The following C9 variants were observed in gnomAD, a reference collection of about 807,000 sequenced individuals.
C9 encodes the protein complement C9.
In C9, 63 loss-of-function variants were observed where a neutral mutation model predicts 65.4. The observed-to-expected ratio is 0.96, with a 90% CI of 0.79 to 1.19. The LOEUF (loss-of-function observed/expected upper bound fraction) is 1.19, where lower values mean the gene tolerates loss of function less well. Among genes scored for constraint, C9 ranks in the 50% most tolerant of loss-of-function variants. The pLI is 0.00. For synonymous variants in C9, 229 were observed against 227.9 expected, an observed-to-expected ratio of 1.00 and a Z score of -0.04; for missense variants, 744 against 670.1, an observed-to-expected ratio of 1.11 and a Z score of -1.22.
At chr5:39,302,486 A>G (rs899371319) in intron 9 of C9, among the ~76,000 whole-genome samples, 1 of 152,180 alleles carries the variant, frequency 6.6e-6, no homozygotes, top group Admixed American at 6.5e-5. Flanking sequence ...TCCCTAAACA[A>G]GAGAGTTAGA....
At chr5:39,354,099 A>T (rs1016513030) in intron 1 of C9, among the ~76,000 whole-genome samples, 52 of 152,346 alleles carry the variant, frequency 3.4e-4, no homozygotes, top group African/African-American at 1.2e-3. Context: ...ATCTTCTAAA[A>T]TTGCAGGCTA....
Position 39,288,771 on chromosome 5 carries a change from T to C in C9, c.1597A>G (p.Lys533Glu). ...DGKCLCACPF[K>E]FEGIACEISK... ...ATTTCACAGGCAATTCCCTCAAATT[T>C]GAATGGGCAGGCACACAAACACTTT... is the stretch of plus-strand genomic sequence containing the variant. Residue 533 changes from lysine to glutamate, a missense_variant, in exon 10 of 11, where the codon AAA (lysine) becomes GAA (glutamate). By Grantham distance (56) the Lys-to-Glu change is moderately conservative (BLOSUM62 1). Transcript: ENST00000263408. The C allele has an allele frequency of 6.2e-7, 1 of 1,612,468 alleles. No individual in the cohort carries two copies. The highest frequency in any genetic ancestry group is 8.5e-7 in the Non-Finnish European group (1 of 1,178,906).
At chr5:39,334,085 G>A (rs1427517427) in intron 4 of C9, among the ~76,000 whole-genome samples, 1 of 151,068 alleles carries the variant, frequency 6.6e-6, no homozygotes, top group South Asian at 2.1e-4. Flanking sequence ...CGTCTGAGAT[G>A]TGAGGAGCCC....
intron 9 of C9, among the ~76,000 whole-genome samples, chr5:39,294,862 A>G (rs1247434051): frequency 6.6e-6 from 1 of 151,896 alleles, no homozygotes; most frequent in Non-Finnish European, 1.5e-5. Flanking sequence ...AAAAGATAAT[A>G]CAGCATGATC....
At chr5:39,292,609 C>T (rs1381077124) in intron 9 of C9, among the ~76,000 whole-genome samples, 6 of 151,574 alleles carry the variant, frequency 4.0e-5, no homozygotes, top group Admixed American at 1.3e-4. Flanking sequence ...TTTAATTGCT[C>T]TAACATATAT....
chr5:39,294,063 T>A (rs1232829838), intron 9 of C9, among the ~76,000 whole-genome samples: 6 of 151,752 alleles, frequency 4.0e-5, no homozygotes, highest in Non-Finnish European at 8.8e-5. Flanking sequence ...AAGGCAGTAG[T>A]AAGAGGGAAG....
intron 10 of C9, among the ~76,000 whole-genome samples, chr5:39,286,167 A>C (rs2111829495): frequency 6.6e-6 from 1 of 152,190 alleles, no homozygotes; most frequent in Admixed American, 6.6e-5. Flanking sequence ...CTTTACATAA[A>C]AATCTAGTGC....
At chr5:39,326,903 GA>G (rs1753755056) in intron 5 of C9, among the ~76,000 whole-genome samples, 1 of 152,056 alleles carries the variant, frequency 6.6e-6, no homozygotes, top group Non-Finnish European at 1.5e-5. Flanking sequence ...GCCATCATTA[GA>G]AATATTAACT....
intron 1 of C9, 132 bp downstream of exon 1, chr5:39,364,256 G>A (rs700232): frequency 0.42 from 282,527 of 667,228 alleles, 60,412 homozygotes; most frequent in Middle Eastern, 0.52. Flanking sequence ...ATCTCTTTTC[G>A]AAGTTTAGAT....
chr5:39,343,191 G>GGTGCAGCCCACTGAGTGT (rs1754122576), intron 1 of C9, among the ~76,000 whole-genome samples: 2 of 152,174 alleles, frequency 1.3e-5, no homozygotes, highest in Non-Finnish European at 2.9e-5. Flanking sequence ...CAGGACAGTG[G>GGTGCAGCCCACTGAGTGT]GTGCAGCCCA....
intron 8 of C9, among the ~76,000 whole-genome samples, chr5:39,307,886 C>T (rs368587746): frequency 1.3e-5 from 2 of 152,058 alleles, no homozygotes; most frequent in Non-Finnish European, 2.9e-5. Flanking sequence ...CGAACATTGT[C>T]GCTTGCTTAT....
At chr5:39,298,637 C>T (rs145500986) in intron 9 of C9, among the ~76,000 whole-genome samples, 6 of 151,528 alleles carry the variant, frequency 4.0e-5, no homozygotes, top group Admixed American at 3.9e-4. Flanking sequence ...ACAAAGAAGG[C>T]CTAGATGGCA....
At chr5:39,325,084 TAGAG>T (rs1328161762) in intron 5 of C9, among the ~76,000 whole-genome samples, 5 of 152,216 alleles carry the variant, frequency 3.3e-5, no homozygotes, top group African/African-American at 1.2e-4. Context: ...CAGTTGTAAA[TAGAG>T]AGTAAGTAGA....
chr5:39,294,891 C>T (rs77297737), intron 9 of C9, among the ~76,000 whole-genome samples: 17,236 of 150,994 alleles, frequency 0.11, 1,256 homozygotes, highest in African/African-American at 0.2. Flanking sequence ...ATGAATTATC[C>T]GAGAAATAGT....
At chr5:39,296,732 C>T (rs1310836272) in intron 9 of C9, among the ~76,000 whole-genome samples, 1 of 151,322 alleles carries the variant, frequency 6.6e-6, no homozygotes, top group Non-Finnish European at 1.5e-5. Context: ...TGTATGTACA[C>T]AATGGAATAC....
At chr5:39,295,604 A>G (rs1753171839) in intron 9 of C9, among the ~76,000 whole-genome samples, 1 of 151,872 alleles carries the variant, frequency 6.6e-6, no homozygotes, top group South Asian at 2.1e-4. Context: ...ACCAAAAACA[A>G]TCTACAGATT....
At chr5:39,356,296 T>G (rs150507002) in intron 1 of C9, among the ~76,000 whole-genome samples, 3 of 152,336 alleles carry the variant, frequency 2.0e-5, no homozygotes, top group African/African-American at 7.2e-5. Context: ...TAGCTCTTAG[T>G]TCAGTGCAAT....
At chr5:39,294,654 A>G (rs1205574139) in intron 9 of C9, among the ~76,000 whole-genome samples, 2 of 151,814 alleles carry the variant, frequency 1.3e-5, no homozygotes, top group African/African-American at 4.8e-5. Flanking sequence ...AATTAACACT[A>G]ATTCTTCTCA....
intron 9 of C9, among the ~76,000 whole-genome samples, chr5:39,302,225 T>C (rs1008913957): frequency 8.5e-5 from 13 of 152,142 alleles, no homozygotes; most frequent in Admixed American, 6.6e-5. Context: ...GGGTTCCATC[T>C]TTTTCTGATG....
Sources: allele counts gnomAD v4.1 joint callset (sites outside exome capture counted in the v4.1 genomes callset), GRCh38; gene constraint gnomAD v4.1.1; transcripts MANE v1.5; gene names NCBI Gene and HGNC (gene_info 2026-07-23, HGNC 2026-07-21).